Variants in KDM3A observed in about 807,000 individuals in gnomAD.
KDM3A encodes lysine demethylase 3A.
In KDM3A, 60 loss-of-function variants were observed where a neutral mutation model predicts 158.0. The ratio of observed to expected loss-of-function variants is 0.38; its 90% CI spans 0.31 to 0.47. KDM3A has a LOEUF of 0.47. Among genes scored for constraint, KDM3A ranks in the 20% least tolerant of loss-of-function variants. The pLI is 0.99. For synonymous variants in KDM3A, 608 were observed against 549.3 expected, an observed-to-expected ratio of 1.11 and a Z score of -1.49; for missense variants, 1,319 against 1,574.3, an observed-to-expected ratio of 0.84 and a Z score of 2.74.
At chr2:86,456,108 C>G (rs1672684959) in intron 5 of KDM3A, among the ~76,000 whole-genome samples, 1 of 151,936 alleles carries the variant, frequency 6.6e-6, no homozygotes, top group South Asian at 2.1e-4. Context: ...TACTGAGTTT[C>G]TACAATCATA....
intron 8 of KDM3A, among the ~76,000 whole-genome samples, chr2:86,461,429 A>T (rs192682314): frequency 6.6e-6 from 1 of 152,210 alleles, no homozygotes; most frequent in Non-Finnish European, 1.5e-5. Flanking sequence ...ATAGCTATTT[A>T]GAAATGTTAC....
Position 86,470,373 on chromosome 2 carries a change from C to T in KDM3A, c.1689C>T (p.Asp563=), listed in dbSNP as rs969011645. ...GCAAGGATAAGGAGCAACAGAAGGA[C>T]TCACCTGTGTTTTGCCGCTTCTTTC... ...SLRKDKEQQK[D]SPVFCRFFHF... Residue 563 remains aspartate (D), a synonymous_variant, in exon 11 of 26, where the codon GAC becomes GAT. Transcript: ENST00000312912. The T allele has an allele frequency of 3.7e-6, 6 of 1,614,060 alleles. No homozygotes were observed. The highest frequency in any genetic ancestry group is 5.1e-6 in the Non-Finnish European group (6 of 1,179,954).
chr2:86,442,532 G>T, intron 2 of KDM3A: 2 of 252,464 alleles, frequency 7.9e-6, no homozygotes, highest in South Asian at 9.0e-5. Context: ...AGAGGAGGAG[G>T]AGTATTTTTG....
At chr2:86,471,992 A>G (rs1218163999) in intron 11 of KDM3A, among the ~76,000 whole-genome samples, 1 of 152,152 alleles carries the variant, frequency 6.6e-6, no homozygotes, top group Non-Finnish European at 1.5e-5. Context: ...TGAAATGGTT[A>G]TGCTTTGTAC....
intron 9 of KDM3A, among the ~76,000 whole-genome samples, chr2:86,465,477 A>C (rs1224997640): frequency 6.6e-6 from 1 of 152,012 alleles, no homozygotes; most frequent in Non-Finnish European, 1.5e-5. Flanking sequence ...TCAAAGTTTA[A>C]GTTTACTGCA....
At chr2:86,485,610 C>A in intron 20 of KDM3A, 119 bp from the exon 21 acceptor site, 2 of 1,158,240 alleles carry the variant, frequency 1.7e-6, no homozygotes, top group South Asian at 2.9e-5. Context: ...TGATGGCTGT[C>A]AGTCTGCATG....
At chr2:86,469,774 C>T (rs1673320308) in intron 10 of KDM3A, among the ~76,000 whole-genome samples, 1 of 152,182 alleles carries the variant, frequency 6.6e-6, no homozygotes, top group Admixed American at 6.5e-5. Flanking sequence ...CTTTTAAAAA[C>T]ACACCTTAAA....
intron 2 of KDM3A, 116 bp downstream of exon 2, chr2:86,442,349 C>T: frequency 1.0e-6 from 1 of 970,078 alleles, no homozygotes; most frequent in Non-Finnish European, 1.5e-6. Context: ...GGCATATGAT[C>T]TGAAGGTGCA....
At chr2:86,489,234 C>T in intron 21 of KDM3A, 84 bp from the exon 22 acceptor site, 1 of 1,449,664 alleles carries the variant, frequency 6.9e-7, no homozygotes, top group Non-Finnish European at 9.4e-7. Context: ...CAATCAGGGA[C>T]CTACCATCCC....
intron 9 of KDM3A, among the ~76,000 whole-genome samples, chr2:86,464,809 G>A (rs2104660985): frequency 6.6e-6 from 1 of 152,370 alleles, no homozygotes; most frequent in Middle Eastern, 3.4e-3. Context: ...CTGGGAAGTG[G>A]TGGTGGCCTG....
chr2:86,458,511 G>A (rs1672797629), intron 8 of KDM3A, among the ~76,000 whole-genome samples: 2 of 152,208 alleles, frequency 1.3e-5, no homozygotes, highest in Non-Finnish European at 2.9e-5. Context: ...AGTACTCACT[G>A]TGTGGTGGAT....
chr2:86,474,701 T>TGTTG, intron 11 of KDM3A, 75 bp from the exon 12 acceptor site: 3 of 427,002 alleles, frequency 7.0e-6, no homozygotes, highest in Non-Finnish European at 4.2e-6. Flanking sequence ...TGTAAATAAG[T>TGTTG]TGTGTGTGTG....
Position 86,466,720 on chromosome 2 carries a change from A to G in KDM3A, c.1356A>G (p.Ala452=). Residue 452 remains alanine (A), a synonymous_variant, in exon 10 of 26, where the codon GCA becomes GCG. Transcript: ENST00000312912. The stretch of plus-strand genomic sequence containing the variant: ...CTTCCCCATCGGATGTTTCAAATGC[A>G]CCAGAAGTGAAAGCAGGTGTCAATA... ...HAPSPSDVSN[A]PEVKAGVNSD... 1 of 1,613,928 alleles carries G rather than the reference A, an allele frequency of 6.2e-7. No individual in the cohort carries two copies. The highest frequency in any genetic ancestry group is 8.5e-7 in the Non-Finnish European group (1 of 1,179,866).
Position 86,466,767 on chromosome 2 carries a change from C to G in KDM3A, c.1403C>G (p.Ser468Ter). Residue 468 changes from serine (S) to a stop codon, truncating the protein, a stop_gained, in exon 10 of 26, where the codon TCA (serine) becomes TGA (stop). Transcript: ENST00000312912. LOFTEE classifies it high-confidence loss of function. ...AATAGTGATAGCCCTAATAACTGTT[C>G]AGGAAAAAAGGTAGAACCTTCAGCT... The part of the protein sequence containing the change: ...GVNSDSPNNC[S>*]GKKVEPSALA... 2 of 1,613,170 alleles carry G rather than the reference C, an allele frequency of 1.2e-6. No individual in the cohort carries two copies. The highest frequency in any genetic ancestry group is 1.7e-6 in the Non-Finnish European group (2 of 1,179,640).
At position 86,491,145 on chromosome 2, in the gene KDM3A, A is replaced by T; in HGVS notation, c.3755A>T (p.His1252Leu). ...FIPAGAPHQV[H>L]NLYSCIKVAE... ...ATATTACTTGGTGTTTTTCAGGTTC[A>T]TAACTTATATAGCTGCATCAAAGTG... Residue 1252 changes from histidine (H) to leucine (L), a missense_variant, in exon 25 of 26, where the codon CAT (histidine) becomes CTT (leucine). His to Leu is a moderately conservative substitution (Grantham distance 99). Coordinates refer to ENST00000312912, the MANE Select transcript of KDM3A (RefSeq NM_018433.6). 6.2e-7 allele frequency: 1 copy of T among 1,613,996 alleles called. No homozygotes were observed. The highest frequency in any genetic ancestry group is 8.5e-7 in the Non-Finnish European group (1 of 1,179,910).
At position 86,449,728 on chromosome 2, in the gene KDM3A, T is replaced by C. The variant is rs969146172; in HGVS notation, c.187-79T>C. 1.9e-5 allele frequency: 27 copies of C among 1,426,464 alleles called. No individual in the cohort carries two copies. The South Asian group carries it at 3.0e-4, about 16-fold the overall frequency. 88.4% of individuals were successfully genotyped at this position (1,426,464 alleles called of 1,614,324 possible). A position where few individuals can be genotyped will look rare whatever the true frequency, so the allele number is the denominator to read the frequency against. ...GGATTCAAATAGAATAATGAAGGTA[T>C]AGTTCAGCTGGGGCATTTGTAATGC... is the stretch of plus-strand genomic sequence containing the variant. On this transcript the variant is annotated intron_variant, in intron 2 of 25. Transcript: ENST00000312912.
intron 2 of KDM3A, among the ~76,000 whole-genome samples, chr2:86,444,649 G>GT (rs1195021962): frequency 1.3e-5 from 2 of 150,802 alleles, no homozygotes; most frequent in Non-Finnish European, 3.0e-5. Context: ...TTAAGTTTTT[G>GT]GGGGGTGAGA....
rs530458538 is a variant in KDM3A, at chr2:86,489,207, A to G, written c.3314-111A>G. The G allele has an allele frequency of 7.4e-6, 9 of 1,209,348 alleles. No homozygotes were observed. In the Admixed American group the frequency reaches 2.3e-4, roughly 31 times the overall value. The allele number at this position is 1,209,348 out of a possible 1,614,324, so 74.9% of individuals were successfully genotyped here. The stretch of plus-strand genomic sequence containing the variant: ...TGCAATAATTTGATCCAGAATTTTT[A>G]TTCTCAGCAGAAGAGTCAATCAGGG... On this transcript the variant is annotated intron_variant, in intron 21 of 25. Coordinates refer to ENST00000312912, the MANE Select transcript of KDM3A (RefSeq NM_018433.6).
Position 86,466,486 on chromosome 2 carries a change from G to C in KDM3A, c.1122G>C (p.Gln374His). The C allele has an allele frequency of 6.2e-7, 1 of 1,613,942 alleles. No homozygotes were observed. Among genetic ancestry groups the C allele is most frequent in the Non-Finnish European group, 8.5e-7 (1 of 1,179,850 alleles). The change falls in exon 10 of 26, where the codon CAG becomes CAC. Residue 374 changes from glutamine to histidine, a missense_variant. Gln to His is a conservative substitution (Grantham distance 24, BLOSUM62 0). Around this residue, in one of 4 missense-constraint regions of KDM3A, gnomAD observed 652 missense variants for 627.2 expected, o/e 1.04. Coordinates refer to ENST00000312912, the MANE Select transcript of KDM3A (RefSeq NM_018433.6). ...CAGGGTTGCTCTCAAAGTCCTCTCA[G>C]ATTGGAACTGGAGACTTGAAAATTC... ...CKAGLLSKSSQIGTGDLKILT... is the reference protein window; with the variant it reads ...CKAGLLSKSSHIGTGDLKILT...
Sources: allele counts gnomAD v4.1 joint callset (sites outside exome capture counted in the v4.1 genomes callset), GRCh38; gene constraint gnomAD v4.1.1; regional missense constraint gnomAD v4.1.1; transcripts MANE v1.5; gene names NCBI Gene and HGNC (gene_info 2026-07-23, HGNC 2026-07-21).